Variants in TNNI3K observed in about 807,000 individuals in gnomAD.
TNNI3K encodes the protein TNNI3 interacting kinase, also known as serine/threonine-protein kinase TNNI3K.
In TNNI3K, 140 loss-of-function variants were observed where a neutral mutation model predicts 114.5. The observed-to-expected ratio is 1.22, with a 90% CI of 1.07 to 1.41. TNNI3K has a LOEUF of 1.41. Among genes scored for constraint, TNNI3K ranks in the 40% most tolerant of loss-of-function variants. The pLI, the probability that TNNI3K is intolerant of heterozygous loss-of-function variation, is 0.00. For synonymous variants in TNNI3K, 347 were observed against 347.5 expected, an observed-to-expected ratio of 1.00 and a Z score of 0.02; for missense variants, 1,125 against 1,007.6, an observed-to-expected ratio of 1.12 and a Z score of -1.58.
intron 17 of TNNI3K, among the ~76,000 whole-genome samples, chr1:74,386,152 G>A (rs1243094260): frequency 1.3e-5 from 2 of 152,164 alleles, no homozygotes; most frequent in Admixed American, 6.5e-5. Flanking sequence ...CCATGATTGT[G>A]AGGCCTCCAG....
Position 74,537,835 on chromosome 1 carries a change from A to G in TNNI3K, c.2352-2399A>G, listed in dbSNP as rs373588533. 1.2e-4 allele frequency among the ~76,000 whole-genome samples: 18 copies of G among 152,318 alleles called. No homozygotes were observed. In the East Asian group the frequency reaches 1.9e-3, roughly 16 times the overall value. ...CAAGAGGGCTTCAAGGAAGATGCCA[A>G]CTTTGAGTTGGACCTTTATTGAGTG... On this transcript the variant is annotated intron_variant, in intron 23 of 24. Transcript: ENST00000326637.
intron 5 of TNNI3K, among the ~76,000 whole-genome samples, chr1:74,313,071 T>G (rs1351960693): frequency 6.6e-6 from 1 of 152,168 alleles, no homozygotes; most frequent in African/African-American, 2.4e-5. Context: ...GCTCACTGTC[T>G]TGGATCCTAG....
intron 21 of TNNI3K, among the ~76,000 whole-genome samples, chr1:74,473,907 A>G (rs1267628837): frequency 6.6e-6 from 1 of 152,122 alleles, no homozygotes; most frequent in Non-Finnish European, 1.5e-5. Context: ...TGGAAAGTCT[A>G]TAATTCTTTT....
chr1:74,377,388 G>T (rs1467541025), intron 17 of TNNI3K, among the ~76,000 whole-genome samples: 2 of 152,004 alleles, frequency 1.3e-5, no homozygotes, highest in African/African-American at 4.8e-5. Flanking sequence ...TTCCATGGGA[G>T]TTGTACCATA....
At chr1:74,411,140 A>G (rs1664859490) in intron 17 of TNNI3K, among the ~76,000 whole-genome samples, 2 of 152,284 alleles carry the variant, frequency 1.3e-5, no homozygotes, top group Non-Finnish European at 2.9e-5. Context: ...ATCAGCTCCC[A>G]GGCTTTTATG....
intron 21 of TNNI3K, chr1:74,470,632 T>A (rs1301793475): frequency 2.5e-6 from 1 of 400,580 alleles, no homozygotes; most frequent in African/African-American, 2.1e-5. Flanking sequence ...TTTTGAAAGT[T>A]TTTTTTCTAC....
rs565160464 is a variant in TNNI3K, at chr1:74,349,714, C to T, written c.933-3552C>T. ...TTTAGTCTTGGGAGAGTGTATGTGTCGAGGAATTTATCCATTTCTTCTAGA... is the reference window on the plus strand; with the variant it reads ...TTTAGTCTTGGGAGAGTGTATGTGTTGAGGAATTTATCCATTTCTTCTAGA... On this transcript the variant is annotated intron_variant, in intron 9 of 24. Coordinates refer to ENST00000326637, the MANE Select transcript of TNNI3K (RefSeq NM_015978.3). 4.6e-5 allele frequency among the ~76,000 whole-genome samples: 7 copies of T among 152,174 alleles called. No individual in the cohort carries two copies. The East Asian group carries it at 9.7e-4, about 21-fold the overall frequency.
chr1:74,369,747 T>G, intron 16 of TNNI3K, 162 bp downstream of exon 16: 1 of 722,622 alleles, frequency 1.4e-6, no homozygotes, highest in South Asian at 5.0e-5. Context: ...GCCTAATAAC[T>G]GTGTTTCAAT....
chr1:74,468,720 A>G (rs1246418735), intron 21 of TNNI3K, among the ~76,000 whole-genome samples: 1 of 152,156 alleles, frequency 6.6e-6, no homozygotes, highest in Non-Finnish European at 1.5e-5. Flanking sequence ...GCAGATATAA[A>G]GATGTATAGA....
chr1:74,532,457 T>G (rs1264476351), intron 23 of TNNI3K, among the ~76,000 whole-genome samples: 1 of 107,782 alleles, frequency 9.3e-6, no homozygotes, highest in Non-Finnish European at 1.8e-5. Flanking sequence ...TATTATTATT[T>G]TTTTCTTTTT....
intron 20 of TNNI3K, 59 bp downstream of exon 20, chr1:74,439,681 C>T (rs1295955404): frequency 1.9e-6 from 3 of 1,587,026 alleles, no homozygotes; most frequent in Non-Finnish European, 2.6e-6. Context: ...ATTTTTATAA[C>T]TTCAAGAAAA....
chr1:74,492,212 G>A lies in TNNI3K; in HGVS notation c.2297G>A (p.Arg766His), dbSNP rs201340993. 2.2e-5 allele frequency: 36 copies of A among 1,612,616 alleles called. No individual in the cohort carries two copies. The highest frequency in any genetic ancestry group is 2.7e-5 in the African/African-American group (2 of 74,894). The change falls in exon 23 of 25, where the codon CGT becomes CAT. Residue 766 changes from arginine (R) to histidine (H), a missense_variant. Physicochemically the swap from Arg to His is conservative, Grantham distance 29 (BLOSUM62 0). Coordinates refer to ENST00000326637, the MANE Select transcript of TNNI3K (RefSeq NM_015978.3). ...AGTCATGTGGCAGCATTAAGAAGTC[G>A]TTTCGAATTGGAATATGCTCTAAAT... ...GRSHVAALRS[R>H]FELEYALNAR... is the part of the protein sequence containing the mutation.
chr1:74,278,717 T>G lies in TNNI3K; in HGVS notation c.444+7009T>G, dbSNP rs76312989. On this transcript the variant is annotated intron_variant, in intron 5 of 24. Transcript: ENST00000326637. ...ACCAAAATCTAATTTTAGAATATTT[T>G]TGTCACCCAAAAAGGAAACTTAATA... Among the ~76,000 whole-genome samples, 1,066 of 152,288 alleles carry G rather than the reference T, an allele frequency of 7.0e-3. 16 individuals carry two copies. Among genetic ancestry groups the G allele is most frequent in the African/African-American group, 0.024 (1,018 of 41,558 alleles).
intron 17 of TNNI3K, among the ~76,000 whole-genome samples, chr1:74,408,302 T>C (rs1055105956): frequency 5.3e-5 from 8 of 152,194 alleles, no homozygotes; most frequent in Admixed American, 1.3e-4. Context: ...CTGAAACTCA[T>C]TTACATATAC....
chr1:74,356,077 G>A (rs1277766154), intron 11 of TNNI3K, among the ~76,000 whole-genome samples: 1 of 152,110 alleles, frequency 6.6e-6, no homozygotes, highest in African/African-American at 2.4e-5. Context: ...CTGCCTTCTT[G>A]TGGCATAGTC....
chr1:74,479,505 G>C (rs1668373093), intron 21 of TNNI3K, among the ~76,000 whole-genome samples: 1 of 152,150 alleles, frequency 6.6e-6, no homozygotes, highest in South Asian at 2.1e-4. Flanking sequence ...GAAAACCAAG[G>C]CACAGAGAAG....
intron 23 of TNNI3K, among the ~76,000 whole-genome samples, chr1:74,536,527 T>C (rs1426525235): frequency 6.6e-6 from 1 of 152,176 alleles, no homozygotes; most frequent in Non-Finnish European, 1.5e-5. Flanking sequence ...ATGATCATTT[T>C]TATATTTATG....
chr1:74,367,409 TCTGTTA>T lies in TNNI3K; in HGVS notation c.1264+70_1264+75del. 3.9e-6 allele frequency: 6 copies of T among 1,543,366 alleles called. 1 individual carries two copies. The South Asian group carries it at 6.8e-5, about 17-fold the overall frequency. On this transcript the variant is annotated intron_variant, in intron 12 of 24. Transcript: ENST00000326637. ...TTGTGCCTAAAGGTAAACCTGTGTT[TCTGTTA>T]CTATCATTCTTTCAGGGGTTAGGGA...
At chr1:74,525,333 A>T (rs1014049172) in intron 23 of TNNI3K, among the ~76,000 whole-genome samples, 22 of 152,214 alleles carry the variant, frequency 1.4e-4, no homozygotes, top group Admixed American at 2.6e-4. Flanking sequence ...TGTGATAAGT[A>T]TTGTTATTGT....
Sources: gnomAD v4.1 joint callset for allele counts (sites outside exome capture counted in the v4.1 genomes callset) on GRCh38, gnomAD v4.1.1 for gene constraint, MANE v1.5 for transcripts, NCBI Gene and HGNC (gene_info 2026-07-23, HGNC 2026-07-21) for gene names.